Variants in TMEM132C observed in about 807,000 individuals in gnomAD.
TMEM132C encodes transmembrane protein 132C, also known as protein phosphatase 1, regulatory subunit 152.
A neutral mutation model predicts 61.4 loss-of-function variants in TMEM132C; 29 were observed. The observed-to-expected ratio is 0.47, with a 90% CI of 0.35 to 0.64. The LOEUF (loss-of-function observed/expected upper bound fraction) is 0.64. Ranked by LOEUF, TMEM132C falls within the 30% of genes least tolerant of loss-of-function variation. TMEM132C has a pLI of 0.00. For missense variants in TMEM132C, 1,408 were observed against 1,476.9 expected (o/e 0.95, Z 0.76); for synonymous variants, 656 against 633.1 (o/e 1.04, Z -0.54).
chr12:128,299,099 G>C (rs1871515310), intron 1 of TMEM132C, among the ~76,000 whole-genome samples: 1 of 152,122 alleles, frequency 6.6e-6, no homozygotes. Context: ...CATGTATCCT[G>C]ACCCTGAGCC....
At chr12:128,315,033 A>G (rs1872103755) in intron 1 of TMEM132C, among the ~76,000 whole-genome samples, 1 of 152,214 alleles carries the variant, frequency 6.6e-6, no homozygotes, top group Admixed American at 6.5e-5. Context: ...AAAGCAGGCA[A>G]TATGTTACCC....
rs377593252 is a variant in TMEM132C, at chr12:128,631,551, C to T, written c.1305+15216C>T. Among the ~76,000 whole-genome samples, 17 of 152,282 alleles carry T rather than the reference C, an allele frequency of 1.1e-4. No homozygotes were observed. In the East Asian group the frequency reaches 1.7e-3, roughly 16 times the overall value. On this transcript the variant is annotated intron_variant, in intron 4 of 8. Coordinates refer to ENST00000435159, the MANE Select transcript of TMEM132C (RefSeq NM_001136103.3). ...ATGTTAAACTCTAAAAATTAAACAACGCATAGTGGAAGATTTTGAATTCCT... is the reference window on the plus strand; with the variant it reads ...ATGTTAAACTCTAAAAATTAAACAATGCATAGTGGAAGATTTTGAATTCCT...
At chr12:128,344,057 C>T (rs1468502949) in intron 1 of TMEM132C, among the ~76,000 whole-genome samples, 2 of 152,298 alleles carry the variant, frequency 1.3e-5, no homozygotes, top group Admixed American at 6.5e-5. Context: ...CGTTGATAGA[C>T]GTTTGGCTTG....
intron 4 of TMEM132C, among the ~76,000 whole-genome samples, chr12:128,619,695 G>A (rs1953942147): frequency 6.6e-6 from 1 of 152,220 alleles, no homozygotes; most frequent in Non-Finnish European, 1.5e-5. Flanking sequence ...GTTAGGCTTG[G>A]GGGATGGGGT....
chr12:128,593,097 C>CT (rs1875814562), intron 3 of TMEM132C, among the ~76,000 whole-genome samples: 1 of 151,780 alleles, frequency 6.6e-6, no homozygotes, highest in Non-Finnish European at 1.5e-5. Flanking sequence ...TCTTACCTCT[C>CT]TTTCTTCTCT....
In TMEM132C at chr12:128,627,832, G is replaced by A. The variant is rs1288514292; in HGVS notation, c.1305+11497G>A. ...CCGTGCCCAGAAAGTGCTGGGTCCT[G>A]GTCAGTGCCATGAAAAGGAGGCCAA... is the stretch of plus-strand genomic sequence containing the variant. On this transcript the variant is annotated intron_variant, in intron 4 of 8. Coordinates refer to ENST00000435159, the MANE Select transcript of TMEM132C (RefSeq NM_001136103.3). 3.3e-5 allele frequency among the ~76,000 whole-genome samples: 5 copies of A among 152,182 alleles called. No individual in the cohort carries two copies. The East Asian group carries it at 9.6e-4, about 29-fold the overall frequency.
intron 5 of TMEM132C, among the ~76,000 whole-genome samples, chr12:128,693,234 C>T (rs191601077): frequency 7.2e-5 from 11 of 152,240 alleles, no homozygotes; most frequent in African/African-American, 2.4e-4. Context: ...GAAGGCACTA[C>T]GGGCCCTTTG....
intron 1 of TMEM132C, among the ~76,000 whole-genome samples, chr12:128,332,362 C>T (rs116385930): frequency 0.017 from 2,621 of 152,284 alleles, 64 homozygotes; most frequent in African/African-American, 0.06. Flanking sequence ...CCAGAACTAT[C>T]GTCTAGAAAT....
intron 5 of TMEM132C, among the ~76,000 whole-genome samples, chr12:128,672,443 T>C (rs1262792529): frequency 6.6e-6 from 1 of 152,202 alleles, no homozygotes; most frequent in African/African-American, 2.4e-5. Context: ...GCTGTATACA[T>C]AGCAATCCTT....
At chr12:128,626,094 A>G (rs1022944643) in intron 4 of TMEM132C, among the ~76,000 whole-genome samples, 1 of 151,270 alleles carries the variant, frequency 6.6e-6, no homozygotes, top group African/African-American at 2.4e-5. Flanking sequence ...ACCTGAAGTT[A>G]TTTTGAATTT....
At position 128,544,036 on chromosome 12, in the gene TMEM132C, G is replaced by A; in HGVS notation, c.1054G>A (p.Gly352Ser). 2 of 1,548,284 alleles carry A rather than the reference G, an allele frequency of 1.3e-6. No individual in the cohort carries two copies. The highest frequency in any genetic ancestry group is 1.7e-4 in the Middle Eastern group (1 of 5,982). ...GCAGTGGGGCGTCAAGCAGGAGGTGGGCAGCGGCGGAAAGCACGTGACGGC... is the reference window on the plus strand; with the variant it reads ...GCAGTGGGGCGTCAAGCAGGAGGTGAGCAGCGGCGGAAAGCACGTGACGGC... ...PRQWGVKQEV[G>S]SGGKHVTATV... Residue 352 changes from glycine (G) to serine (S), a missense_variant, in exon 3 of 9, where the codon GGC becomes AGC. Coordinates refer to ENST00000435159, the MANE Select transcript of TMEM132C (RefSeq NM_001136103.3).
intron 7 of TMEM132C, 139 bp downstream of exon 7, chr12:128,696,242 C>T: frequency 8.1e-7 from 1 of 1,238,876 alleles, no homozygotes; most frequent in Non-Finnish European, 1.1e-6. Flanking sequence ...GAGCCCAGGC[C>T]AGATCTTGAG....
chr12:128,695,681 C>T (rs1268884452), intron 6 of TMEM132C, 149 bp from the exon 7 acceptor site: 1 of 770,850 alleles, frequency 1.3e-6, no homozygotes, highest in Non-Finnish European at 2.0e-6. Context: ...CTTAGTGTTG[C>T]CTAGAGATAG....
intron 2 of TMEM132C, among the ~76,000 whole-genome samples, chr12:128,502,982 A>G (rs77381536): frequency 0.037 from 5,584 of 152,322 alleles, 357 homozygotes; most frequent in African/African-American, 0.12. Flanking sequence ...GGCTGTGTCA[A>G]TCGGAGGCTG....
intron 2 of TMEM132C, among the ~76,000 whole-genome samples, chr12:128,484,727 C>T (rs532308691): frequency 8.5e-5 from 13 of 152,180 alleles, no homozygotes; most frequent in African/African-American, 2.4e-4. Flanking sequence ...GAGGCCAAGG[C>T]GGGAAGATTG....
chr12:128,541,027 G>GTCTCTCTCTCTC lies in TMEM132C; in HGVS notation c.975-2922_975-2911dup, dbSNP rs71449354. Among the ~76,000 whole-genome samples, 789 of 149,780 alleles carry GTCTCTCTCTCTC rather than the reference G, an allele frequency of 5.3e-3. 6 individuals are homozygous for GTCTCTCTCTCTC. The highest frequency in any genetic ancestry group is 9.2e-3 in the Admixed American group (138 of 15,058). ...TCTGTCTATCTTTCTCTCTTTCTCT[G>GTCTCTCTCTCTC]TCTCTCTCTCTCTCTCTCTGTGTGT... On this transcript the variant is annotated intron_variant, in intron 2 of 8. Coordinates refer to ENST00000435159, the MANE Select transcript of TMEM132C (RefSeq NM_001136103.3).
chr12:128,528,260 G>C (rs927326834), intron 2 of TMEM132C, among the ~76,000 whole-genome samples: 1 of 152,164 alleles, frequency 6.6e-6, no homozygotes, highest in Non-Finnish European at 1.5e-5. Flanking sequence ...GTGCCCTCAC[G>C]CATTGTGGGC....
intron 3 of TMEM132C, among the ~76,000 whole-genome samples, chr12:128,576,122 G>A (rs1035271103): frequency 6.6e-6 from 1 of 152,158 alleles, no homozygotes; most frequent in Non-Finnish European, 1.5e-5. Context: ...GGGCTTGGTG[G>A]TGCATGTCTG....
chr12:128,684,092 C>G (rs1324915466), intron 5 of TMEM132C, among the ~76,000 whole-genome samples: 1 of 152,166 alleles, frequency 6.6e-6, no homozygotes, highest in Admixed American at 6.5e-5. Context: ...CGAGAGAGGT[C>G]TCTGCACCAT....
Sources: allele counts gnomAD v4.1 joint callset (sites outside exome capture counted in the v4.1 genomes callset), GRCh38; gene constraint gnomAD v4.1.1; transcripts MANE v1.5; gene names NCBI Gene and HGNC (gene_info 2026-07-23, HGNC 2026-07-21).